IL1RAPL2: variants seen among roughly 807,000 people sequenced by gnomAD.
The protein encoded by IL1RAPL2 is X-linked interleukin-1 receptor accessory protein-like 2.
IL1RAPL2 carries 3 observed loss-of-function variants against 44.1 expected under a neutral mutation model. That is an observed-to-expected ratio of 0.07 (90% CI 0.03 to 0.18). The LOEUF (loss-of-function observed/expected upper bound fraction) is 0.18. Ranked by LOEUF, IL1RAPL2 falls within the 10% of genes least tolerant of loss-of-function variation. IL1RAPL2 has a pLI of 1.00. For synonymous variants in IL1RAPL2, 181 were observed against 178.8 expected (o/e 1.01, Z -0.10); for missense variants, 391 against 496.4 (o/e 0.79, Z 2.02).
At chrX:105,495,493 A>G (rs2036350669) in intron 6 of IL1RAPL2, among the ~76,000 whole-genome samples, 1 of 112,162 alleles carries the variant, frequency 8.9e-6, no homozygotes, top group Non-Finnish European at 1.9e-5. Flanking sequence ...CATTTGTAAG[A>G]CACTTATTTT....
intron 1 of IL1RAPL2, among the ~76,000 whole-genome samples, chrX:104,572,178 T>G (rs1271662347): frequency 2.7e-5 from 3 of 112,020 alleles, no homozygotes; most frequent in Admixed American, 9.5e-5. Flanking sequence ...TGGGAAACTT[T>G]GTTTTATTGG....
At chrX:105,042,772 C>T (rs1167988880) in intron 2 of IL1RAPL2, among the ~76,000 whole-genome samples, 8 of 107,757 alleles carry the variant, frequency 7.4e-5, no homozygotes, top group African/African-American at 1.0e-4. Flanking sequence ...TAAAGACACA[C>T]ACACACGTAT....
Position 105,226,344 on chromosome X carries a change from G to C in IL1RAPL2, c.357-7474G>C, listed in dbSNP as rs190410890. 9.3e-5 allele frequency among the ~76,000 whole-genome samples: 9 copies of C among 96,892 alleles called. No homozygotes were observed. The East Asian group carries it at 3.5e-3, about 38-fold the overall frequency. 84.1% of individuals were successfully genotyped at this position (96,892 alleles called of 115,157 possible). A position where few individuals can be genotyped will look rare whatever the true frequency, so the allele number is the denominator to read the frequency against. ...GGCAGGCTAAATTTTTAGTGCATAA[G>C]TAAGGTAAAATTTCAGACCCTTTGC... is the stretch of plus-strand genomic sequence containing the variant. On this transcript the variant is annotated intron_variant, in intron 3 of 10. Coordinates refer to ENST00000372582, the MANE Select transcript of IL1RAPL2 (RefSeq NM_017416.2).
At chrX:105,381,226 G>C (rs898429211) in intron 5 of IL1RAPL2, among the ~76,000 whole-genome samples, 1 of 111,368 alleles carries the variant, frequency 9.0e-6, no homozygotes, top group African/African-American at 3.3e-5. Flanking sequence ...CACACAGCTA[G>C]GAATATTAAA....
rs770839150 is a variant in IL1RAPL2, at chrX:105,039,599, G to A, written c.83-155876G>A. Among the ~76,000 whole-genome samples, 13 of 111,402 alleles carry A rather than the reference G, an allele frequency of 1.2e-4. No homozygotes were observed. In the East Asian group the frequency reaches 3.1e-3, roughly 27 times the overall value. On this transcript the variant is annotated intron_variant, in intron 2 of 10. Transcript: ENST00000372582. ...ATACAGAAAAAGAGAGGTCCTTCAC[G>A]TCCCTTGTAAGGTGGATTCCTAGGT...
chrX:105,599,412 C>T (rs757017396), intron 6 of IL1RAPL2, among the ~76,000 whole-genome samples: 1 of 110,966 alleles, frequency 9.0e-6, no homozygotes, highest in African/African-American at 3.3e-5. Context: ...AGTTTGAAAC[C>T]TGGCTCTATT....
At chrX:104,864,187 A>T (rs1030642510) in intron 2 of IL1RAPL2, among the ~76,000 whole-genome samples, 4 of 112,004 alleles carry the variant, frequency 3.6e-5, no homozygotes, top group African/African-American at 9.7e-5. Context: ...GAGCCCTTGG[A>T]TTCCCACATT....
intron 6 of IL1RAPL2, among the ~76,000 whole-genome samples, chrX:105,716,303 A>G (rs147301133): frequency 3.5e-5 from 4 of 112,707 alleles, no homozygotes; most frequent in Admixed American, 9.4e-5. Flanking sequence ...TGTGGCCTTT[A>G]CAAAAATATC....
intron 6 of IL1RAPL2, among the ~76,000 whole-genome samples, chrX:105,506,328 T>C (rs1429981863): frequency 8.9e-6 from 1 of 111,754 alleles, no homozygotes; most frequent in African/African-American, 3.3e-5. Flanking sequence ...TGGCCACTCA[T>C]GCGGTTCCAT....
chrX:105,647,803 T>C (rs1035723863), intron 6 of IL1RAPL2, among the ~76,000 whole-genome samples: 1 of 112,617 alleles, frequency 8.9e-6, no homozygotes, highest in Non-Finnish European at 1.9e-5. Flanking sequence ...CAGGCTCCTT[T>C]GTCTCTCTCC....
chrX:104,836,661 T>C (rs1038903342), intron 2 of IL1RAPL2, among the ~76,000 whole-genome samples: 4 of 111,817 alleles, frequency 3.6e-5, no homozygotes, highest in Non-Finnish European at 1.9e-5. Context: ...ATTGATTCTA[T>C]TATTATTTAT....
At chrX:105,123,370 G>A (rs1017210344) in intron 2 of IL1RAPL2, among the ~76,000 whole-genome samples, 1 of 110,999 alleles carries the variant, frequency 9.0e-6, no homozygotes, top group Non-Finnish European at 1.9e-5. Flanking sequence ...AGAGCCCCAC[G>A]TTAGGATGGC....
At chrX:105,551,588 C>T (rs187403335) in intron 6 of IL1RAPL2, among the ~76,000 whole-genome samples, 70 of 111,185 alleles carry the variant, frequency 6.3e-4, no homozygotes, top group Admixed American at 2.9e-3. Flanking sequence ...ATTGATAAGG[C>T]ATATAAAGCA....
intron 6 of IL1RAPL2, among the ~76,000 whole-genome samples, chrX:105,489,020 G>A (rs1448721342): frequency 3.6e-5 from 4 of 111,774 alleles, no homozygotes; most frequent in African/African-American, 6.5e-5. Context: ...TGTTCACATT[G>A]TAATACTGAA....
chrX:104,798,429 C>A (rs749541293), intron 2 of IL1RAPL2, among the ~76,000 whole-genome samples: 1 of 108,705 alleles, frequency 9.2e-6, no homozygotes, highest in Non-Finnish European at 1.9e-5. Flanking sequence ...GAGGCCGAGG[C>A]GGGCGGATCA....
intron 5 of IL1RAPL2, among the ~76,000 whole-genome samples, chrX:105,341,343 C>CTTTTT (rs370999980): frequency 2.5e-4 from 26 of 104,572 alleles, no homozygotes; most frequent in Non-Finnish European, 4.9e-4. Context: ...CTTTTCTTTT[C>CTTTTT]TTTTTTTTTT....
At chrX:105,595,108 GCACAGA>G (rs1276390403) in intron 6 of IL1RAPL2, among the ~76,000 whole-genome samples, 1 of 111,834 alleles carries the variant, frequency 8.9e-6, no homozygotes, top group Non-Finnish European at 1.9e-5. Flanking sequence ...TTTAACAATA[GCACAGA>G]GTTTTTGATT....
intron 1 of IL1RAPL2, among the ~76,000 whole-genome samples, chrX:104,582,950 G>A (rs1265462095): frequency 9.5e-6 from 1 of 104,867 alleles, no homozygotes; most frequent in African/African-American, 3.5e-5. Flanking sequence ...GCACACTGGT[G>A]TGATATCGGC....
intron 6 of IL1RAPL2, among the ~76,000 whole-genome samples, chrX:105,691,093 T>C (rs1215383496): frequency 1.8e-5 from 2 of 111,541 alleles, no homozygotes; most frequent in African/African-American, 6.5e-5. Context: ...CTATCTCTAA[T>C]GCAGTCACAT....
Sources: gnomAD v4.1 joint callset for allele counts (sites outside exome capture counted in the v4.1 genomes callset) on GRCh38, gnomAD v4.1.1 for gene constraint, MANE v1.5 for transcripts, NCBI Gene and HGNC (gene_info 2026-07-23, HGNC 2026-07-21) for gene names.